MINDY4: variants seen among roughly 807,000 people sequenced by gnomAD.
MINDY4 encodes MINDY lysine 48 deubiquitinase 4, also known as probable ubiquitin carboxyl-terminal hydrolase MINDY-4.
In MINDY4, 68 loss-of-function variants were observed where a neutral mutation model predicts 87.0. That is an observed-to-expected ratio of 0.78 (90% confidence interval 0.64 to 0.96). The LOEUF is 0.96. Among genes scored for constraint, MINDY4 ranks in the 40% least tolerant of loss-of-function variants. MINDY4 has a pLI of 0.00. For synonymous variants in MINDY4, 379 were observed against 363.2 expected, an observed-to-expected ratio of 1.04 and a Z score of -0.50; for missense variants, 919 against 928.2, an observed-to-expected ratio of 0.99 and a Z score of 0.13.
chr7:30,859,337 C>T lies in MINDY4; in HGVS notation c.1745+13C>T. On this transcript the variant is annotated intron_variant, in intron 13 of 17. Transcript: ENST00000265299. ...GGTCTACAGAGCTGTGAGTATCTTT[C>T]TCCCTCAACTCCCTGGGGCTGGGCT... 1 of 1,612,666 alleles carries T rather than the reference C, an allele frequency of 6.2e-7. No individual in the cohort carries two copies. Among genetic ancestry groups the T allele is most frequent in the Middle Eastern group, 1.7e-4 (1 of 5,850 alleles).
intron 13 of MINDY4, among the ~76,000 whole-genome samples, chr7:30,862,549 G>C (rs533423773): frequency 6.6e-6 from 1 of 152,228 alleles, no homozygotes; most frequent in Non-Finnish European, 1.5e-5. Context: ...GCAGGGCAAT[G>C]ATAACAGTTC....
intron 5 of MINDY4, among the ~76,000 whole-genome samples, chr7:30,809,961 A>C (rs1787933242): frequency 6.6e-6 from 1 of 152,034 alleles, no homozygotes; most frequent in Non-Finnish European, 1.5e-5. Context: ...GTGGATCATG[A>C]GGTCAGAAGT....
intron 1 of MINDY4, among the ~76,000 whole-genome samples, chr7:30,772,162 C>T (rs1367851522): frequency 6.6e-6 from 1 of 151,988 alleles, no homozygotes; most frequent in Non-Finnish European, 1.5e-5. Context: ...AGATGGGGAC[C>T]TCGGTGGGGA....
rs188753821 is a variant in MINDY4 at position 30,807,181 on chromosome 7, G to A, written c.1073+15607G>A. ...GCTGTTTGGCAAGGCTGAGAGCCAC[G>A]TCCATTATTTCATGTCCACCTCCTC... On this transcript the variant is annotated intron_variant, in intron 5 of 17. Coordinates refer to ENST00000265299, the MANE Select transcript of MINDY4 (RefSeq NM_032222.3). Among the ~76,000 whole-genome samples, 4 of 152,322 alleles carry A rather than the reference G, an allele frequency of 2.6e-5. No homozygotes were observed. In the East Asian group the frequency reaches 7.7e-4, roughly 29 times the overall value.
intron 5 of MINDY4, among the ~76,000 whole-genome samples, chr7:30,798,376 C>G (rs1317780108): frequency 1.3e-5 from 2 of 152,144 alleles, no homozygotes; most frequent in African/African-American, 4.8e-5. Context: ...AGGATAACTG[C>G]AAAGATTTTG....
At chr7:30,871,074 TG>T (rs1165204570) in intron 13 of MINDY4, among the ~76,000 whole-genome samples, 2 of 151,090 alleles carry the variant, frequency 1.3e-5, no homozygotes, top group African/African-American at 4.9e-5. Flanking sequence ...CCCCAAGGGC[TG>T]CATGTGACCG....
intron 5 of MINDY4, among the ~76,000 whole-genome samples, chr7:30,820,181 G>A (rs1200307013): frequency 3.9e-5 from 6 of 151,936 alleles, no homozygotes; most frequent in African/African-American, 1.2e-4. Flanking sequence ...GATTACAGGC[G>A]TGAGCCACCG....
rs1787324939 is a variant in MINDY4 at position 30,791,586 on chromosome 7, A to G, written c.1073+12A>G. The G allele has an allele frequency of 5.7e-6, 9 of 1,590,442 alleles. No individual in the cohort carries two copies. The highest frequency in any genetic ancestry group is 4.1e-5 in the African/African-American group (3 of 74,022). On this transcript the variant is annotated intron_variant, in intron 5 of 17. Transcript: ENST00000265299. Reference sequence around the variant, plus strand: ...CCCGCACCTGTCAGGTGAGTGTGCTATGCAAAGGTGACGGCTTTTCAAAAA... The same window carrying G: ...CCCGCACCTGTCAGGTGAGTGTGCTGTGCAAAGGTGACGGCTTTTCAAAAA...
chr7:30,838,458 G>A lies in MINDY4; in HGVS notation c.1240-742G>A, dbSNP rs192938084. On this transcript the variant is annotated intron_variant, in intron 7 of 17. Transcript: ENST00000265299. The stretch of plus-strand genomic sequence containing the variant: ...AGTTGTACTAGACCAGGAGTTGGCA[G>A]GTGTTTTCTGTAAAGGGCTCAATAG... Among the ~76,000 whole-genome samples, 16 of 152,294 alleles carry A rather than the reference G, an allele frequency of 1.1e-4. No homozygotes were observed. The East Asian group carries it at 2.1e-3, about 20-fold the overall frequency.
At chr7:30,881,794 A>T (rs537626847) in intron 15 of MINDY4, among the ~76,000 whole-genome samples, 1 of 152,238 alleles carries the variant, frequency 6.6e-6, no homozygotes, top group Non-Finnish European at 1.5e-5. Context: ...GGGGTGTGGG[A>T]AGAATTGGTT....
intron 15 of MINDY4, among the ~76,000 whole-genome samples, chr7:30,877,688 T>C (rs1790307659): frequency 6.7e-6 from 1 of 149,260 alleles, no homozygotes; most frequent in African/African-American, 2.5e-5. Context: ...TTCTTCTTTT[T>C]TTTTTTTTTT....
In MINDY4 at chr7:30,791,547, G is replaced by A. The variant is rs200938852; in HGVS notation, c.1046G>A (p.Arg349Gln). ...GAGAGGCTGGAAAGAGCGTTCAAAC[G>A]GCAGGGCAGCCAGCCCGCACCTGTC... ...TQERLERAFK[R>Q]QGSQPAPVRK... is the part of the protein sequence containing the mutation. The change falls in exon 5 of 18, where the codon CGG (arginine) becomes CAG (glutamine). Residue 349 changes from arginine (R) to glutamine (Q), a missense_variant. By Grantham distance (43) the Arg-to-Gln change is conservative. Transcript: ENST00000265299. 479 of 1,613,240 alleles carry A rather than the reference G, an allele frequency of 3.0e-4. 3 individuals carry two copies. The African/African-American group carries it at 5.3e-3, about 18-fold the overall frequency.
At chr7:30,772,811 C>T (rs1786684636) in intron 1 of MINDY4, among the ~76,000 whole-genome samples, 1 of 152,142 alleles carries the variant, frequency 6.6e-6, no homozygotes, top group South Asian at 2.1e-4. Flanking sequence ...TGACTGTTAA[C>T]ATCATTTCTT....
At chr7:30,862,519 C>T (rs889811079) in intron 13 of MINDY4, among the ~76,000 whole-genome samples, 2 of 152,234 alleles carry the variant, frequency 1.3e-5, no homozygotes, top group African/African-American at 4.8e-5. Context: ...CCAGGCTCTG[C>T]TGAAGGTTTG....
chr7:30,839,151 T>A, intron 7 of MINDY4, 49 bp from the exon 8 acceptor site: 1 of 1,279,888 alleles, frequency 7.8e-7, no homozygotes, highest in Non-Finnish European at 1.1e-6. Flanking sequence ...AACATCGTAT[T>A]GTTGCTTGCT....
chr7:30,822,482 A>G (rs1029710723), intron 5 of MINDY4, among the ~76,000 whole-genome samples: 3 of 152,118 alleles, frequency 2.0e-5, no homozygotes, highest in African/African-American at 4.8e-5. Flanking sequence ...AATAAATTTC[A>G]TATTGATTCA....
intron 14 of MINDY4, among the ~76,000 whole-genome samples, chr7:30,875,082 T>C (rs2128579393): frequency 6.6e-6 from 1 of 152,326 alleles, no homozygotes; most frequent in South Asian, 2.1e-4. Flanking sequence ...TCCAGAATAC[T>C]CCATGCACAC....
chr7:30,774,493 C>G (rs948838458), intron 1 of MINDY4, among the ~76,000 whole-genome samples: 1 of 152,180 alleles, frequency 6.6e-6, no homozygotes, highest in African/African-American at 2.4e-5. Flanking sequence ...CAAACCCTAG[C>G]TACTGGTTTA....
rs750069535 is a variant in MINDY4 at position 30,875,564 on chromosome 7, T to C, written c.1879T>C (p.Ser627Pro). The change falls in exon 15 of 18, where the codon TCT (serine) becomes CCT (proline). Residue 627 changes from serine to proline, a missense_variant. Physicochemically the swap from Ser to Pro is moderately conservative, Grantham distance 74 (BLOSUM62 -1). Coordinates refer to ENST00000265299, the MANE Select transcript of MINDY4 (RefSeq NM_032222.3). ...NVFNDVVELD[S>P]GDGNITLLRG... Reference sequence around the variant, plus strand: ...TTTCAACGATGTGGTTGAGCTGGATTCTGGGGATGGGAACATCACACTTCT... The same window carrying C: ...TTTCAACGATGTGGTTGAGCTGGATCCTGGGGATGGGAACATCACACTTCT... 6.2e-7 allele frequency: 1 copy of C among 1,614,242 alleles called. No individual in the cohort carries two copies. Among genetic ancestry groups the C allele is most frequent in the South Asian group, 1.1e-5 (1 of 91,086 alleles).
Sources: gnomAD v4.1 joint callset for allele counts (sites outside exome capture counted in the v4.1 genomes callset) on GRCh38, gnomAD v4.1.1 for gene constraint, MANE v1.5 for transcripts, NCBI Gene and HGNC (gene_info 2026-07-23, HGNC 2026-07-21) for gene names.